The following TMTC4 variants were observed in gnomAD, a reference collection of about 807,000 sequenced individuals.
The protein encoded by TMTC4 is transmembrane O-mannosyltransferase targeting cadherins 4.
TMTC4 carries 65 observed loss-of-function variants against 86.0 expected under a neutral mutation model. The ratio of observed to expected loss-of-function variants is 0.76; its 90% CI spans 0.62 to 0.93. The LOEUF (loss-of-function observed/expected upper bound fraction) is 0.93, where lower values mean the gene tolerates loss of function less well. TMTC4 is among the 40% of genes least tolerant of loss of function. TMTC4 has a pLI of 0.00. For synonymous variants in TMTC4, 379 were observed against 382.5 expected, an observed-to-expected ratio of 0.99 and a Z score of 0.11; for missense variants, 866 against 948.1, an observed-to-expected ratio of 0.91 and a Z score of 1.14.
intron 1 of TMTC4, chr13:100,674,407 G>C: frequency 1.1e-6 from 1 of 932,784 alleles, no homozygotes; most frequent in Non-Finnish European, 1.3e-6. Flanking sequence ...CCCGGGCCGA[G>C]GGAGCGCCGG....
intron 6 of TMTC4, among the ~76,000 whole-genome samples, chr13:100,649,009 G>C (rs1247338292): frequency 6.6e-6 from 1 of 152,090 alleles, no homozygotes. Context: ...ATTTTATCCA[G>C]TCATAAGACT....
chr13:100,620,070 C>A (rs1879244317), intron 15 of TMTC4, among the ~76,000 whole-genome samples: 1 of 152,170 alleles, frequency 6.6e-6, no homozygotes, highest in Admixed American at 6.5e-5. Flanking sequence ...AACAAACTTT[C>A]AGGGAAGCAG....
Position 100,656,395 on chromosome 13 carries a change from T to C in TMTC4, c.626A>G (p.Lys209Arg). 6.2e-7 allele frequency: 1 copy of C among 1,612,958 alleles called. No individual in the cohort carries two copies. The highest frequency in any genetic ancestry group is 8.5e-7 in the Non-Finnish European group (1 of 1,179,642). The change falls in exon 6 of 19, where the codon AAA (lysine) becomes AGA (arginine). Residue 209 changes from lysine to arginine, a missense_variant. Physicochemically the swap from Lys to Arg is conservative, Grantham distance 26 (BLOSUM62 2). Transcript: ENST00000342624. ...FFLLSFLGYC[K>R]AFRESNKEGA... ...AGAATGCTTACTTTCTCTAAATGCT[T>C]TACAGTAGCCAAGGAAAGATAACAA...
At chr13:100,614,104 G>A (rs974893965) in intron 16 of TMTC4, among the ~76,000 whole-genome samples, 10 of 152,006 alleles carry the variant, frequency 6.6e-5, no homozygotes, top group South Asian at 2.1e-4. Flanking sequence ...CTCCCAAAGC[G>A]CTGGGATTAC....
intron 6 of TMTC4, among the ~76,000 whole-genome samples, chr13:100,644,033 C>CAGGATGGA (rs970460198): frequency 6.6e-6 from 1 of 151,828 alleles, no homozygotes; most frequent in African/African-American, 2.4e-5. Flanking sequence ...AGCAACACCC[C>CAGGATGGA]AGGATGGAAG....
intron 15 of TMTC4, chr13:100,615,034 G>T: frequency 1.3e-6 from 1 of 789,060 alleles, no homozygotes; most frequent in Non-Finnish European, 1.5e-6. Context: ...AGTCTCCTAT[G>T]GTAAGGTAAA....
At chr13:100,610,205 A>T (rs1877341810) in intron 17 of TMTC4, among the ~76,000 whole-genome samples, 1 of 152,276 alleles carries the variant, frequency 6.6e-6, no homozygotes, top group African/African-American at 2.4e-5. Flanking sequence ...TGCCATCAAG[A>T]TAGCTGGGCT....
chr13:100,607,411 G>A (rs1296605473), intron 17 of TMTC4, among the ~76,000 whole-genome samples: 1 of 152,048 alleles, frequency 6.6e-6, no homozygotes, highest in Non-Finnish European at 1.5e-5. Context: ...CAGCTACTTG[G>A]GAGGCTGAGG....
At chr13:100,653,490 C>A in intron 6 of TMTC4, among the ~76,000 whole-genome samples, 1 of 152,082 alleles carries the variant, frequency 6.6e-6, no homozygotes, top group East Asian at 1.9e-4. Context: ...GAGGGTGGGT[C>A]TCAGGGTACA....
rs867889564 is a variant in TMTC4, at chr13:100,663,320, T to C, written c.336-140A>G. 9.1e-5 allele frequency: 68 copies of C among 748,468 alleles called. 2 individuals are homozygous for C. The highest frequency in any genetic ancestry group is 7.6e-4 in the South Asian group (47 of 62,076). 46.4% of individuals were successfully genotyped at this position (748,468 alleles called of 1,614,324 possible). On this transcript the variant is annotated intron_variant, in intron 4 of 18. Coordinates refer to ENST00000342624, the MANE Select transcript of TMTC4 (RefSeq NM_032813.5). ...TTGTGCCAGCTTGATAAAAACAGCATCAAGATAAATAATGCCTGTCGAGCT... is the reference window on the plus strand; with the variant it reads ...TTGTGCCAGCTTGATAAAAACAGCACCAAGATAAATAATGCCTGTCGAGCT...
At chr13:100,664,182 G>T (rs771615808) in intron 4 of TMTC4, 39 bp downstream of exon 4, 11 of 1,538,224 alleles carry the variant, frequency 7.2e-6, no homozygotes, top group Admixed American at 3.8e-5. Flanking sequence ...CACACAAGCT[G>T]GGAGGGACCT....
intron 12 of TMTC4, among the ~76,000 whole-genome samples, chr13:100,627,071 G>A (rs1405299961): frequency 1.3e-5 from 2 of 152,212 alleles, no homozygotes; most frequent in Non-Finnish European, 2.9e-5. Flanking sequence ...CAACCTGCCT[G>A]CACCTTGATG....
At chr13:100,674,900 G>T (rs1887675802), upstream of TMTC4, 1 of 983,070 alleles carries the variant, frequency 1.0e-6, no homozygotes, top group South Asian at 4.7e-5. Context: ...GCGCGCGGGC[G>T]CCCCCCAGCA....
intron 12 of TMTC4, among the ~76,000 whole-genome samples, chr13:100,627,648 C>T (rs992171230): frequency 1.3e-5 from 2 of 152,176 alleles, no homozygotes; most frequent in African/African-American, 4.8e-5. Context: ...CTCATCTTAA[C>T]TGACATCTTA....
intron 17 of TMTC4, among the ~76,000 whole-genome samples, chr13:100,607,997 G>T (rs1876933873): frequency 6.6e-6 from 1 of 152,130 alleles, no homozygotes; most frequent in South Asian, 2.1e-4. Context: ...TCTCTGGGCT[G>T]TTTCTGATGA....
chr13:100,668,510 A>T, intron 3 of TMTC4, 69 bp downstream of exon 3: 1 of 1,474,070 alleles, frequency 6.8e-7, no homozygotes, highest in Non-Finnish European at 9.4e-7. Context: ...ACAATGCAAC[A>T]CATACTTAGA....
chr13:100,625,109 G>C, intron 15 of TMTC4: 1 of 183,220 alleles, frequency 5.5e-6, no homozygotes, highest in South Asian at 1.1e-4. Flanking sequence ...CAGATGAAGA[G>C]CTCTGCTCCC....
chr13:100,664,465 G>A (rs1173849345), intron 3 of TMTC4, 129 bp from the exon 4 acceptor site: 4 of 605,082 alleles, frequency 6.6e-6, no homozygotes, highest in African/African-American at 1.9e-5. Flanking sequence ...TGTTCTCTAT[G>A]TTGATATCTC....
At chr13:100,615,279 A>G (rs1358305621) in intron 15 of TMTC4, among the ~76,000 whole-genome samples, 1 of 151,104 alleles carries the variant, frequency 6.6e-6, no homozygotes, top group Non-Finnish European at 1.5e-5. Flanking sequence ...CTGGGATTAC[A>G]GGCGCCCACC....
Sources: allele counts gnomAD v4.1 joint callset (sites outside exome capture counted in the v4.1 genomes callset), GRCh38; gene constraint gnomAD v4.1.1; transcripts MANE v1.5; gene names NCBI Gene and HGNC (gene_info 2026-07-23, HGNC 2026-07-21).